The following ZFAT variants were observed in gnomAD, a reference collection of about 807,000 sequenced individuals.
ZFAT encodes zinc finger protein ZFAT.
A neutral mutation model predicts 117.7 loss-of-function variants in ZFAT; 64 were observed. The ratio of observed to expected loss-of-function variants is 0.54; its 90% CI spans 0.44 to 0.67. The LOEUF is 0.67. ZFAT is among the 30% of genes least tolerant of loss of function. ZFAT has a pLI of 0.00. For missense variants in ZFAT, 1,433 were observed against 1,584.5 expected (o/e 0.90, Z 1.62); for synonymous variants, 679 against 615.0 (o/e 1.10, Z -1.54).
Position 134,565,435 on chromosome 8 carries a change from G to A in ZFAT, c.2888-14C>T, listed in dbSNP as rs750258276. On this transcript the variant is annotated splice_polypyrimidine_tract_variant and intron_variant, in intron 10 of 15. Transcript: ENST00000377838. ...TAAACTGCTTCCCTGGAAAGAAGCG[G>A]AGGACAAGATGAGCGTCGCCAGGCC... is the stretch of plus-strand genomic sequence containing the variant. 2.2e-5 allele frequency: 35 copies of A among 1,611,192 alleles called. No homozygotes were observed. Among genetic ancestry groups the A allele is most frequent in the Non-Finnish European group, 2.6e-5 (31 of 1,179,262 alleles).
At chr8:134,569,514 C>A (rs1473303189) in intron 10 of ZFAT, among the ~76,000 whole-genome samples, 1 of 150,872 alleles carries the variant, frequency 6.6e-6, no homozygotes, top group Non-Finnish European at 1.5e-5. Context: ...GAAAAGACTG[C>A]CCAAGAAGAG....
intron 2 of ZFAT, among the ~76,000 whole-genome samples, chr8:134,644,775 GC>G (rs1337801134): frequency 6.6e-6 from 1 of 151,320 alleles, no homozygotes; most frequent in Non-Finnish European, 1.5e-5. Flanking sequence ...CTCACAATGT[GC>G]CCAGATATGC....
At chr8:134,574,605 CAG>C (rs1825171410) in intron 10 of ZFAT, among the ~76,000 whole-genome samples, 1 of 151,990 alleles carries the variant, frequency 6.6e-6, no homozygotes, top group Non-Finnish European at 1.5e-5. Flanking sequence ...CATCAGAACA[CAG>C]AGAGAGACGG....
chr8:134,712,608 C>T (rs1283492414), intron 1 of ZFAT, among the ~76,000 whole-genome samples: 1 of 147,656 alleles, frequency 6.8e-6, no homozygotes, highest in Non-Finnish European at 1.5e-5. Context: ...TGCTCTCCCA[C>T]TCGCTCCCGC....
At chr8:134,677,592 A>G (rs1268055461) in intron 1 of ZFAT, among the ~76,000 whole-genome samples, 2 of 152,224 alleles carry the variant, frequency 1.3e-5, no homozygotes, top group Non-Finnish European at 2.9e-5. Context: ...AACTCATTTT[A>G]TGAGGCCAGC....
At chr8:134,531,779 C>A (rs56082627) in intron 12 of ZFAT, among the ~76,000 whole-genome samples, 31,600 of 152,212 alleles carry the variant, frequency 0.21, 3,467 homozygotes, top group Non-Finnish European at 0.24. Context: ...CATCTATTTC[C>A]GTGCATCAGC....
intron 11 of ZFAT, among the ~76,000 whole-genome samples, chr8:134,556,779 A>C (rs1311870720): frequency 6.6e-6 from 1 of 152,190 alleles, no homozygotes. Flanking sequence ...CCAGCACACA[A>C]GAAATGCTAA....
At chr8:134,692,633 A>C (rs1479787906) in intron 1 of ZFAT, among the ~76,000 whole-genome samples, 1 of 152,256 alleles carries the variant, frequency 6.6e-6, no homozygotes, top group African/African-American at 2.4e-5. Context: ...GGAAATCTTA[A>C]AACAAAATAC....
intron 9 of ZFAT, among the ~76,000 whole-genome samples, chr8:134,586,760 G>A (rs1358850600): frequency 6.6e-6 from 1 of 152,240 alleles, no homozygotes; most frequent in Non-Finnish European, 1.5e-5. Context: ...CTCAGTGTAG[G>A]AGGTGCCTCC....
At chr8:134,565,050 A>T in intron 11 of ZFAT, 1 of 1,399,094 alleles carries the variant, frequency 7.1e-7, no homozygotes, top group Non-Finnish European at 9.4e-7. Context: ...CCTTCCTCTA[A>T]ATCACTCCAG....
At chr8:134,685,604 T>C (rs1464069682) in intron 1 of ZFAT, among the ~76,000 whole-genome samples, 2 of 152,294 alleles carry the variant, frequency 1.3e-5, no homozygotes, top group East Asian at 1.9e-4. Context: ...TTAATGAGCA[T>C]GCCCACTGCA....
At chr8:134,698,125 C>G (rs1217732898) in intron 1 of ZFAT, among the ~76,000 whole-genome samples, 1 of 151,756 alleles carries the variant, frequency 6.6e-6, no homozygotes, top group Non-Finnish European at 1.5e-5. Context: ...GAGTTCGAGA[C>G]CAGCCTGGCC....
intron 1 of ZFAT, among the ~76,000 whole-genome samples, chr8:134,700,670 A>G (rs1255717965): frequency 1.3e-5 from 2 of 152,128 alleles, no homozygotes; most frequent in African/African-American, 4.8e-5. Context: ...GAGGCTGCGT[A>G]CCTTGTCGGG....
Position 134,565,287 on chromosome 8 carries a change from G to A in ZFAT, c.2976+46C>T, listed in dbSNP as rs6999469. The A allele has an allele frequency of 0.26, 410,509 of 1,608,378 alleles. 56,689 individuals are homozygous for A. Among genetic ancestry groups the A allele is most frequent in the East Asian group, 0.52 (23,125 of 44,768 alleles). ...CTCCATCTTCACTTTGAAAAGCAAC[G>A]CCTTTTTTGTCTGAACATCTGCCTT... On this transcript the variant is annotated intron_variant, in intron 11 of 15. Transcript: ENST00000377838.
chr8:134,539,255 T>C (rs1822068901), intron 11 of ZFAT, among the ~76,000 whole-genome samples: 1 of 152,162 alleles, frequency 6.6e-6, no homozygotes, highest in South Asian at 2.1e-4. Context: ...GTCATGACAT[T>C]GGCAACTGAC....
At chr8:134,795,665 T>C in the ZFAT span, 1 of 152,330 alleles carries the variant, frequency 6.6e-6, no homozygotes, top group South Asian at 2.1e-4. Context: ...GATAATAGAT[T>C]GGGACAGGTC....
Position 134,565,384 on chromosome 8 carries a change from C to G in ZFAT, c.2925G>C (p.Ala975=), listed in dbSNP as rs764467230. 5.6e-6 allele frequency: 9 copies of G among 1,613,896 alleles called. No homozygotes were observed. In the South Asian group the frequency reaches 9.9e-5, roughly 18 times the overall value. ...QFKCTVCDYT[A]AQKPQLLRHM... is the part of the protein sequence containing the mutation. Reference sequence around the variant, plus strand: ...GCCGCAGCAGCTGTGGCTTCTGGGCCGCTGTGTAGTCACACACCGTGCACT... The same window carrying G: ...GCCGCAGCAGCTGTGGCTTCTGGGCGGCTGTGTAGTCACACACCGTGCACT... Residue 975 remains alanine (A), a synonymous_variant, in exon 11 of 16, where the codon GCG becomes GCC. Transcript: ENST00000377838.
intron 1 of ZFAT, among the ~76,000 whole-genome samples, chr8:134,663,827 G>A (rs1832062753): frequency 6.6e-6 from 1 of 152,182 alleles, no homozygotes; most frequent in Admixed American, 6.5e-5. Context: ...GCACGGTAAA[G>A]GATAACACAG....
At chr8:134,549,163 C>T (rs1012851673) in intron 11 of ZFAT, among the ~76,000 whole-genome samples, 2 of 152,088 alleles carry the variant, frequency 1.3e-5, no homozygotes, top group Admixed American at 6.6e-5. Context: ...GAGTTCAGAC[C>T]GGGTGCAGTG....
Sources: allele counts gnomAD v4.1 joint callset (sites outside exome capture counted in the v4.1 genomes callset), GRCh38; gene constraint gnomAD v4.1.1; transcripts MANE v1.5; gene names NCBI Gene and HGNC (gene_info 2026-07-23, HGNC 2026-07-21).